RASGRP3: variants seen among roughly 807,000 people sequenced by gnomAD.
The protein encoded by RASGRP3 is ras guanyl-releasing protein 3.
Under a neutral mutation model 82.7 loss-of-function variants are expected in RASGRP3, and 54 were observed. The observed-to-expected ratio is 0.65, with a 90% CI of 0.52 to 0.82. The LOEUF (loss-of-function observed/expected upper bound fraction) is 0.82, where lower values mean the gene tolerates loss of function less well. Ranked by LOEUF, RASGRP3 falls within the 40% of genes least tolerant of loss-of-function variation. The pLI is 0.00. For synonymous variants in RASGRP3, 309 were observed against 300.5 expected, an observed-to-expected ratio of 1.03 and a Z score of -0.29; for missense variants, 861 against 828.9, an observed-to-expected ratio of 1.04 and a Z score of -0.48.
chr2:33,437,033 A>G (rs149093368), intron 1 of RASGRP3, among the ~76,000 whole-genome samples: 245 of 151,972 alleles, frequency 1.6e-3, no homozygotes, highest in African/African-American at 5.7e-3. Flanking sequence ...TATAAAAGTT[A>G]TATATAAAAT....
chr2:33,446,850 G>A (rs1276729988), intron 1 of RASGRP3, among the ~76,000 whole-genome samples: 2 of 151,894 alleles, frequency 1.3e-5, no homozygotes, highest in African/African-American at 4.8e-5. Context: ...AATAGAAAAT[G>A]AGGAAGGACT....
At chr2:33,448,404 A>G (rs1450781300) in intron 2 of RASGRP3, among the ~76,000 whole-genome samples, 1 of 152,204 alleles carries the variant, frequency 6.6e-6, no homozygotes, top group East Asian at 1.9e-4. Flanking sequence ...ACACAACCAG[A>G]CACAACCCAC....
At chr2:33,516,402 A>G in intron 3 of RASGRP3, 140 bp from the exon 4 acceptor site, 3 of 581,832 alleles carry the variant, frequency 5.2e-6, no homozygotes, top group Non-Finnish European at 5.9e-6. Context: ...GCAAGACTCC[A>G]TCTTAAAAAG....
rs1203749442 is a variant in RASGRP3 at position 33,534,393 on chromosome 2, C to G, written c.1154C>G (p.Ser385Cys). Residue 385 changes from serine to cysteine, a missense_variant, in exon 11 of 18, where the codon TCT becomes TGT. Coordinates refer to ENST00000403687, the MANE Select transcript of RASGRP3 (RefSeq NM_001139488.2). The stretch of plus-strand genomic sequence containing the variant: ...TCACTGGTGCTGGAGCCTAGAAATT[C>G]TAAATCGGTAGGTATTATTTTCTCT... ...KLSLVLEPRNSKSQPTSPTTP... is the reference protein window; with the variant it reads ...KLSLVLEPRNCKSQPTSPTTP... The G allele has an allele frequency of 2.6e-6, 4 of 1,551,184 alleles. 1 individual carries two copies. Among genetic ancestry groups the G allele is most frequent in the Middle Eastern group, 1.7e-4 (1 of 5,970 alleles).
chr2:33,520,152 G>T (rs1307498626), intron 5 of RASGRP3, 138 bp downstream of exon 5: 2 of 693,030 alleles, frequency 2.9e-6, no homozygotes, highest in South Asian at 1.9e-5. Context: ...GTTAAAATTG[G>T]CTCTCCTCTG....
intron 2 of RASGRP3, among the ~76,000 whole-genome samples, chr2:33,459,989 T>C (rs898776111): frequency 6.6e-6 from 1 of 152,342 alleles, no homozygotes; most frequent in East Asian, 1.9e-4. Flanking sequence ...AAGGAAAGAA[T>C]GTTTGTCAAT....
chr2:33,528,187 G>A lies in RASGRP3; in HGVS notation c.1083+775G>A, dbSNP rs113773832. Among the ~76,000 whole-genome samples, 76 of 152,176 alleles carry A rather than the reference G, an allele frequency of 5.0e-4. No homozygotes were observed. The East Asian group carries it at 0.011, about 22-fold the overall frequency. ...CTATAGGAGGTATCACTCTTTATTC[G>A]ATTTTTATCTGTTTATCTGCCTTAC... is the stretch of plus-strand genomic sequence containing the variant. On this transcript the variant is annotated intron_variant, in intron 10 of 17. Transcript: ENST00000403687.
At chr2:33,455,987 T>C (rs1666016004) in intron 2 of RASGRP3, among the ~76,000 whole-genome samples, 1 of 152,228 alleles carries the variant, frequency 6.6e-6, no homozygotes, top group African/African-American at 2.4e-5. Flanking sequence ...TAATTTACCC[T>C]TCTGCTGAAA....
At chr2:33,443,257 GAATT>G (rs1363255086) in intron 1 of RASGRP3, among the ~76,000 whole-genome samples, 1 of 152,112 alleles carries the variant, frequency 6.6e-6, no homozygotes, top group Non-Finnish European at 1.5e-5. Context: ...CAAAACAAGT[GAATT>G]AATGATTCAA....
intron 4 of RASGRP3, 53 bp downstream of exon 4, chr2:33,516,697 TTAGA>T (rs1242248373): frequency 1.6e-6 from 2 of 1,215,080 alleles, no homozygotes; most frequent in Non-Finnish European, 2.4e-6. Context: ...AGCTCTGTAT[TTAGA>T]TAGAGTGTCT....
At chr2:33,540,110 T>C (rs1282697342) in intron 12 of RASGRP3, 1 of 152,116 alleles carries the variant, frequency 6.6e-6, no homozygotes, top group African/African-American at 2.4e-5. Flanking sequence ...AATGGATTGG[T>C]AGGTACATCT....
In RASGRP3 at chr2:33,555,259, G is replaced by A. The variant is rs181265970; in HGVS notation, c.1543-272G>A. On this transcript the variant is annotated intron_variant, in intron 14 of 17. Transcript: ENST00000403687. ...GTACATTTTGCTGAGAGCGCATCAGGCCAAAGTCTGGTGCATCAAACTTTA... is the reference window on the plus strand; with the variant it reads ...GTACATTTTGCTGAGAGCGCATCAGACCAAAGTCTGGTGCATCAAACTTTA... 2.8e-3 allele frequency: 840 copies of A among 303,448 alleles called. 7 individuals are homozygous for A. Among genetic ancestry groups the A allele is most frequent in the African/African-American group, 0.017 (794 of 45,972 alleles). 18.8% of individuals were successfully genotyped at this position (303,448 alleles called of 1,614,324 possible). A position where few individuals can be genotyped will look rare whatever the true frequency, so the allele number is the denominator to read the frequency against.
rs575784401 is a variant in RASGRP3, at chr2:33,531,416, G to A, written c.1084-2907G>A. On this transcript the variant is annotated intron_variant, in intron 10 of 17. Coordinates refer to ENST00000403687, the MANE Select transcript of RASGRP3 (RefSeq NM_001139488.2). ...CAGAGGAGATCTGAGAGAGGAAGTA[G>A]AATCGTGACTGGGAAAGAAGAGATG... Among the ~76,000 whole-genome samples the A allele has an allele frequency of 2.2e-4, 33 of 152,316 alleles. No homozygotes were observed. In the South Asian group the frequency reaches 5.6e-3, roughly 26 times the overall value.
chr2:33,493,898 G>A (rs367680402), intron 1 of RASGRP3, among the ~76,000 whole-genome samples: 2 of 152,024 alleles, frequency 1.3e-5, no homozygotes, highest in Non-Finnish European at 2.9e-5. Context: ...TCATTTCTCC[G>A]TATCAAAATG....
chr2:33,510,563 T>A (rs756796251), intron 1 of RASGRP3, among the ~76,000 whole-genome samples: 5 of 152,172 alleles, frequency 3.3e-5, no homozygotes, highest in Non-Finnish European at 5.9e-5. Context: ...AATGAACACC[T>A]CTCTCCCTTT....
At chr2:33,537,029 G>A (rs1415009515) in intron 11 of RASGRP3, among the ~76,000 whole-genome samples, 1 of 152,062 alleles carries the variant, frequency 6.6e-6, no homozygotes, top group Non-Finnish European at 1.5e-5. Flanking sequence ...CTGAGTCCTT[G>A]TCTGGCATCT....
chr2:33,547,801 A>G (rs1674948438), intron 13 of RASGRP3, among the ~76,000 whole-genome samples: 1 of 152,106 alleles, frequency 6.6e-6, no homozygotes, highest in African/African-American at 2.4e-5. Context: ...GAAAGGAGTC[A>G]GAGGGCCCTG....
intron 11 of RASGRP3, among the ~76,000 whole-genome samples, chr2:33,537,563 G>A (rs1484236169): frequency 6.6e-6 from 1 of 151,906 alleles, no homozygotes; most frequent in African/African-American, 2.4e-5. Flanking sequence ...GTTTCACCAT[G>A]TTGGCCAGGC....
chr2:33,520,141 T>C (rs2305576), intron 5 of RASGRP3, 127 bp downstream of exon 5: 418,287 of 740,772 alleles, frequency 0.56, 121,977 homozygotes, highest in Admixed American at 0.63. Context: ...CCACCAACTT[T>C]GTTAAAATTG....
Sources: gnomAD v4.1 joint callset for allele counts (sites outside exome capture counted in the v4.1 genomes callset) on GRCh38, gnomAD v4.1.1 for gene constraint, MANE v1.5 for transcripts, NCBI Gene and HGNC (gene_info 2026-07-23, HGNC 2026-07-21) for gene names.